Variants in IGF1R observed in about 807,000 individuals in gnomAD.
The protein encoded by IGF1R is insulin-like growth factor 1 receptor.
IGF1R carries 44 observed loss-of-function variants against 144.6 expected under a neutral mutation model. The ratio of observed to expected loss-of-function variants is 0.30; its 90% confidence interval spans 0.24 to 0.39. IGF1R has a LOEUF of 0.39. Ranked by LOEUF, IGF1R falls within the 10% of genes least tolerant of loss-of-function variation. IGF1R has a pLI of 1.00. For synonymous variants in IGF1R, 795 were observed against 722.8 expected (o/e 1.10, Z -1.60); for missense variants, 1,355 against 1,833.7 (o/e 0.74, Z 4.77).
chr15:98,733,130 C>T (rs1386683248), intron 2 of IGF1R, among the ~76,000 whole-genome samples: 1 of 152,140 alleles, frequency 6.6e-6, no homozygotes, highest in Non-Finnish European at 1.5e-5. Flanking sequence ...ACCTTGGTGG[C>T]GATGGAACCA....
At chr15:98,819,750 T>C (rs1216522717) in intron 2 of IGF1R, among the ~76,000 whole-genome samples, 1 of 152,216 alleles carries the variant, frequency 6.6e-6, no homozygotes. Context: ...TCAGAAACAG[T>C]AACAAAACTT....
chr15:98,947,227 ATTGC>A (rs1412594965), intron 19 of IGF1R, among the ~76,000 whole-genome samples: 2 of 152,234 alleles, frequency 1.3e-5, no homozygotes, highest in African/African-American at 4.8e-5. Flanking sequence ...CTGTCCTCTG[ATTGC>A]TAAGATTCTA....
At chr15:98,656,701 A>T (rs1266254156) in intron 1 of IGF1R, among the ~76,000 whole-genome samples, 2 of 152,082 alleles carry the variant, frequency 1.3e-5, no homozygotes, top group Non-Finnish European at 2.9e-5. Flanking sequence ...ACTTTGTTTT[A>T]TCTCACTCCT....
At chr15:98,943,639 T>C (rs2016446901) in intron 19 of IGF1R, among the ~76,000 whole-genome samples, 1 of 152,256 alleles carries the variant, frequency 6.6e-6, no homozygotes, top group African/African-American at 2.4e-5. Flanking sequence ...ATCAGAGGCC[T>C]CTCAGTAGTA....
In IGF1R at chr15:98,926,053, T is replaced by C. The variant is rs562909963; in HGVS notation, c.2782+1369T>C. Among the ~76,000 whole-genome samples the C allele has an allele frequency of 9.2e-5, 14 of 152,312 alleles. No homozygotes were observed. In the East Asian group the frequency reaches 1.3e-3, roughly 15 times the overall value. ...AGCACTATTCACAGTGGCCAAGACA[T>C]GGAATCCACCTGATGTCCATCACTA... On this transcript the variant is annotated intron_variant, in intron 13 of 20. Coordinates refer to ENST00000650285, the MANE Select transcript of IGF1R (RefSeq NM_000875.5).
chr15:98,869,333 A>G (rs2715442), intron 2 of IGF1R, among the ~76,000 whole-genome samples: 58,032 of 151,048 alleles, frequency 0.38, 12,048 homozygotes, highest in East Asian at 0.8. Flanking sequence ...AACACCACAT[A>G]CCGCATGGGT....
chr15:98,731,288 GT>G, intron 2 of IGF1R, among the ~76,000 whole-genome samples: 1 of 152,200 alleles, frequency 6.6e-6, no homozygotes, highest in Non-Finnish European at 1.5e-5. Context: ...CTGAAGGAAC[GT>G]TTTGGTCAAA....
chr15:98,856,448 A>G (rs2011823216), intron 2 of IGF1R, among the ~76,000 whole-genome samples: 1 of 152,216 alleles, frequency 6.6e-6, no homozygotes, highest in African/African-American at 2.4e-5. Flanking sequence ...GGCAGATGCA[A>G]TAGCATATGT....
intron 2 of IGF1R, among the ~76,000 whole-genome samples, chr15:98,770,745 A>G (rs1436640857): frequency 6.6e-6 from 1 of 152,118 alleles, no homozygotes; most frequent in Non-Finnish European, 1.5e-5. Flanking sequence ...ACTGTCTCTC[A>G]GGTCCCTCCC....
chr15:98,954,006 G>A (rs2016880408), intron 20 of IGF1R: 1 of 152,236 alleles, frequency 6.6e-6, no homozygotes, highest in Admixed American at 6.5e-5. Context: ...GCTGCCAGGA[G>A]GGAGAGACAC....
rs757705540 is a variant in IGF1R, at chr15:98,649,650, C to G, written c.69C>G (p.Leu23=). Residue 23 remains leucine, a synonymous_variant, in exon 1 of 21, where the codon CTC becomes CTG. Transcript: ENST00000650285. The part of the protein sequence containing the change: ...LWGLLFLSAA[L]SLWPTSGEIC... ...GGCTCCTGTTTCTCTCCGCCGCGCT[C>G]TCGCTCTGGCCGACGAGTGGAGAAA... 6.2e-7 allele frequency: 1 copy of G among 1,610,352 alleles called. No homozygotes were observed. The highest frequency in any genetic ancestry group is 1.1e-5 in the South Asian group (1 of 90,552).
Position 98,895,222 on chromosome 15 carries a change from CCACACACACACA to C in IGF1R, c.954-1500_954-1489del, listed in dbSNP as rs10704966. ...TACACAAGTGATCAGTGACACAGCA[CCACACACACACA>C]CACACACACACACACACACACACAC... On this transcript the variant is annotated intron_variant, in intron 3 of 20. Transcript: ENST00000650285. 8.2e-4 allele frequency among the ~76,000 whole-genome samples: 118 copies of C among 143,404 alleles called. 2 individuals carry two copies. Among genetic ancestry groups the C allele is most frequent in the Admixed American group, 2.1e-3 (30 of 14,316 alleles). The allele number at this position is 143,404 out of a possible 152,430, so 94.1% of individuals were successfully genotyped here. A position where few individuals can be genotyped will look rare whatever the true frequency, so the allele number is the denominator to read the frequency against.
In IGF1R at chr15:98,916,032, C is replaced by A; in HGVS notation, c.1897C>A (p.Pro633Thr). Reference sequence around the variant, plus strand: ...TTCTCAGTTAATCGTGAAGTGGAACCCTCCCTCTCTGCCCAACGGCAACCT... The same window carrying A: ...TTCTCAGTTAATCGTGAAGTGGAACACTCCCTCTCTGCCCAACGGCAACCT... ...SSSQLIVKWN[P>T]PSLPNGNLSY... Residue 633 changes from proline (P) to threonine (T), a missense_variant, in exon 9 of 21, where the codon CCT becomes ACT. Coordinates refer to ENST00000650285, the MANE Select transcript of IGF1R (RefSeq NM_000875.5). 6.2e-7 allele frequency: 1 copy of A among 1,614,150 alleles called. No individual in the cohort carries two copies. The highest frequency in any genetic ancestry group is 8.5e-7 in the Non-Finnish European group (1 of 1,179,998).
Position 98,922,057 on chromosome 15 carries a change from G to A in IGF1R, c.2202-91G>A, listed in dbSNP as rs45510795. The A allele has an allele frequency of 8.6e-4, 1,224 of 1,431,462 alleles. 7 individuals carry two copies. In the African/African-American group the frequency reaches 0.014, roughly 17 times the overall value. The allele number at this position is 1,431,462 out of a possible 1,614,324, so 88.7% of individuals were successfully genotyped here. On this transcript the variant is annotated intron_variant, in intron 10 of 20. Transcript: ENST00000650285. ...GGCTCAATAGCTCCTTCTATTCCAC[G>A]GTTAAGATTCTTCTGTTACTCTTAC...
At chr15:98,654,409 T>C (rs565872495) in intron 1 of IGF1R, among the ~76,000 whole-genome samples, 3 of 152,344 alleles carry the variant, frequency 2.0e-5, no homozygotes, top group East Asian at 1.9e-4. Context: ...ATGGAACTTA[T>C]TTCAGAAGTT....
intron 2 of IGF1R, among the ~76,000 whole-genome samples, chr15:98,744,561 AAC>A (rs1191369101): frequency 2.0e-5 from 3 of 151,980 alleles, no homozygotes; most frequent in Non-Finnish European, 4.4e-5. Context: ...TGTTTTCCCC[AAC>A]AGAGATAGAG....
At chr15:98,752,171 A>G (rs181360252) in intron 2 of IGF1R, among the ~76,000 whole-genome samples, 33 of 152,060 alleles carry the variant, frequency 2.2e-4, no homozygotes, top group African/African-American at 6.3e-4. Context: ...TCCTGCCTCT[A>G]TATTAGCCAA....
Position 98,707,061 on chromosome 15 carries a change from A to G in IGF1R, c.95-501A>G, listed in dbSNP as rs997218605. On this transcript the variant is annotated intron_variant, in intron 1 of 20. Coordinates refer to ENST00000650285, the MANE Select transcript of IGF1R (RefSeq NM_000875.5). The surrounding 1 kb of genome is among the most constrained non-coding windows in gnomAD (Gnocchi z 6.7). ...GCATGCGTTTTTTAGTCCCCACTTT[A>G]CAAGTCACAGTGACGGTTCTCCAGT... Among the ~76,000 whole-genome samples, 2 of 152,196 alleles carry G rather than the reference A, an allele frequency of 1.3e-5. No individual in the cohort carries two copies. The highest frequency in any genetic ancestry group is 4.8e-5 in the African/African-American group (2 of 41,438).
chr15:98,650,939 C>T (rs2052347646), intron 1 of IGF1R: 2 of 984,910 alleles, frequency 2.0e-6, no homozygotes, highest in Non-Finnish European at 2.4e-6. Context: ...CCGGTGTCTA[C>T]GGCCGGAGGA....
Sources: allele counts gnomAD v4.1 joint callset (sites outside exome capture counted in the v4.1 genomes callset), GRCh38; gene constraint gnomAD v4.1.1; non-coding constraint Gnocchi (gnomAD v3.1); transcripts MANE v1.5; gene names NCBI Gene and HGNC (gene_info 2026-07-23, HGNC 2026-07-21).